ANKRD36C: variants seen among roughly 807,000 people sequenced by gnomAD.
ANKRD36C encodes ankyrin repeat domain 36C.
Under a neutral mutation model 276.4 loss-of-function variants are expected in ANKRD36C, and 61 were observed. The observed-to-expected ratio is 0.22, with a 90% confidence interval of 0.18 to 0.27. The LOEUF (loss-of-function observed/expected upper bound fraction) is 0.27, where lower values mean the gene tolerates loss of function less well. Among genes scored for constraint, ANKRD36C ranks in the 10% least tolerant of loss-of-function variants. The pLI is 1.00. For synonymous variants in ANKRD36C, 483 were observed against 680.1 expected, an observed-to-expected ratio of 0.71 and a Z score of 4.51; for missense variants, 1,447 against 2,032.3, an observed-to-expected ratio of 0.71 and a Z score of 5.54.
chr2:95,964,046 G>A (rs1290947436), intron 6 of ANKRD36C, among the ~76,000 whole-genome samples: 5 of 111,890 alleles, frequency 4.5e-5, no homozygotes, highest in Non-Finnish European at 7.2e-5. Context: ...CAAGAATATT[G>A]GTAGTTTTTT....
chr2:95,853,769 G>A, exon 64 of ANKRD36C: 1 of 1,602,780 alleles, frequency 6.2e-7, no homozygotes, highest in Non-Finnish European at 8.5e-7. Flanking sequence ...CTAAATAGAT[G>A]CAGTGACGCG....
intron 56 of ANKRD36C, 92 bp from the exon 77 acceptor site, chr2:95,880,715 C>T (rs1213101587): frequency 9.7e-6 from 14 of 1,446,284 alleles, no homozygotes; most frequent in Non-Finnish European, 1.2e-5. Context: ...ACTGAATACT[C>T]TTGCCTGTAT....
downstream of ANKRD36C, among the ~76,000 whole-genome samples, chr2:95,849,648 G>C (rs1362774428): frequency 1.3e-5 from 2 of 152,176 alleles, no homozygotes; most frequent in Non-Finnish European, 2.9e-5. Flanking sequence ...GGAGTCCTGA[G>C]CTTGTTTTTC....
intron 40 of ANKRD36C, among the ~76,000 whole-genome samples, chr2:95,912,857 T>A (rs563048789): frequency 2.0e-5 from 3 of 151,556 alleles, no homozygotes; most frequent in Admixed American, 1.3e-4. Flanking sequence ...CAAACATTCA[T>A]CATGCTCTTT....
intron 17 of ANKRD36C, 138 bp downstream of exon 17, chr2:95,948,392 T>A (rs1310572869): frequency 1.5e-5 from 13 of 839,910 alleles, no homozygotes; most frequent in Non-Finnish European, 1.9e-5. Context: ...CCTATTTCTT[T>A]AAAATGGTTA....
At chr2:95,913,785 C>G (rs1677006143) in intron 40 of ANKRD36C, among the ~76,000 whole-genome samples, 1 of 151,458 alleles carries the variant, frequency 6.6e-6, no homozygotes, top group African/African-American at 2.4e-5. Context: ...TATGCTTCCT[C>G]TCTTTCTCCT....
At chr2:95,973,282 C>A (rs1169777663) in intron 6 of ANKRD36C, among the ~76,000 whole-genome samples, 2 of 151,908 alleles carry the variant, frequency 1.3e-5, no homozygotes, top group Non-Finnish European at 2.9e-5. Context: ...CGTGGTGGTG[C>A]ATGCCTGTAG....
chr2:95,875,851 A>C (rs1163958472), intron 59 of ANKRD36C: 3 of 183,216 alleles, frequency 1.6e-5, no homozygotes, highest in African/African-American at 7.1e-5. Context: ...TTCTATATTG[A>C]AATACATTAG....
intron 12 of ANKRD36C, among the ~76,000 whole-genome samples, chr2:95,958,017 C>T (rs1366369416): frequency 6.6e-6 from 1 of 152,238 alleles, no homozygotes; most frequent in East Asian, 1.9e-4. Flanking sequence ...ATCAAATTTT[C>T]CTTTATGCAA....
intron 5 of ANKRD36C, among the ~76,000 whole-genome samples, chr2:95,978,541 C>T (rs1678857765): frequency 6.6e-6 from 1 of 152,094 alleles, no homozygotes; most frequent in Non-Finnish European, 1.5e-5. Context: ...CTAGATTTTA[C>T]TATCTCCTTT....
Position 95,929,217 on chromosome 2 carries a change from A to T in ANKRD36C, c.1764+22T>A, listed in dbSNP as rs548123037. On this transcript the variant is annotated intron_variant, in intron 25 of 66. Transcript: ENST00000456556. ...TAGACTATACAGTTAATAGTTCAAC[A>T]TATAAATGAGACTTTAATTACCTTC... 4.4e-5 allele frequency: 70 copies of T among 1,593,968 alleles called. No homozygotes were observed. The South Asian group carries it at 6.7e-4, about 15-fold the overall frequency.
intron 6 of ANKRD36C, among the ~76,000 whole-genome samples, chr2:95,964,013 A>G (rs1022858828): frequency 7.0e-3 from 141 of 20,214 alleles, no homozygotes; most frequent in Non-Finnish European, 0.01. Flanking sequence ...ATATATATAT[A>G]TGTGTGTGTG....
intron 19 of ANKRD36C, among the ~76,000 whole-genome samples, chr2:95,944,380 C>A (rs1199547630): frequency 1.3e-5 from 2 of 152,192 alleles, no homozygotes; most frequent in Non-Finnish European, 2.9e-5. Context: ...TAGTCCCATG[C>A]ATATATTTCC....
rs769097418 is a variant in ANKRD36C at position 95,919,545 on chromosome 2, T to C, written c.2246-1503A>G. The stretch of plus-strand genomic sequence containing the variant: ...AAAGTGTATAATCTTACTGCAAAGA[T>C]CATGTTCCAGGCCAACAGCATTAGC... On this transcript the variant is annotated intron_variant, in intron 34 of 66. Transcript: ENST00000456556. 5.3e-5 allele frequency among the ~76,000 whole-genome samples: 7 copies of C among 132,162 alleles called. 2 individuals carry two copies. The highest frequency in any genetic ancestry group is 1.2e-4 in the Non-Finnish European group (7 of 59,676). The allele number at this position is 132,162 out of a possible 152,430, so 86.7% of individuals were successfully genotyped here.
chr2:95,888,928 G>T (rs1234940145), intron 48 of ANKRD36C, among the ~76,000 whole-genome samples: 2 of 151,628 alleles, frequency 1.3e-5, no homozygotes, highest in African/African-American at 2.4e-5. Context: ...CACTTTAGGA[G>T]TTAATTAGAA....
Position 95,855,941 on chromosome 2 carries a change from C to T in ANKRD36C, c.4320G>A (p.Thr1440=), listed in dbSNP as rs2696785. The T allele has an allele frequency of 1.1e-4, 183 of 1,613,358 alleles. 2 individuals carry two copies. Among genetic ancestry groups the T allele is most frequent in the South Asian group, 5.9e-4 (54 of 91,060 alleles). The change falls in exon 63 of 67, where the codon ACG becomes ACA. Residue 1440 remains threonine, a synonymous_variant. Coordinates refer to ENST00000456556, the Ensembl canonical transcript of ANKRD36C. ...TAGAACGGAGCGTTGTGTTTTCATCCGTCAGAGCAGCAAGCTGTCCACTAT... is the reference window on the plus strand; with the variant it reads ...TAGAACGGAGCGTTGTGTTTTCATCTGTCAGAGCAGCAAGCTGTCCACTAT...
At chr2:95,917,875 T>C in exon 36 of ANKRD36C, 1 of 1,605,128 alleles carries the variant, frequency 6.2e-7, no homozygotes, top group South Asian at 1.1e-5. Context: ...TTTTTCTCCG[T>C]CCTTTATTTC....
intron 42 of ANKRD36C, among the ~76,000 whole-genome samples, chr2:95,910,933 A>T (rs911282522): frequency 6.6e-6 from 1 of 151,338 alleles, no homozygotes. Flanking sequence ...ACATGATCCC[A>T]CATGTCTTTC....
intron 1 of ANKRD36C, among the ~76,000 whole-genome samples, chr2:95,989,391 A>G (rs554236957): frequency 3.3e-5 from 5 of 152,264 alleles, no homozygotes; most frequent in African/African-American, 1.2e-4. Context: ...TTGTACACAT[A>G]TTTGGCTTAC....
Sources: allele counts gnomAD v4.1 joint callset (sites outside exome capture counted in the v4.1 genomes callset), GRCh38; gene constraint gnomAD v4.1.1; transcripts MANE v1.5; gene names NCBI Gene and HGNC (gene_info 2026-07-23, HGNC 2026-07-21).